The following ITGA10 variants were observed in gnomAD, a reference collection of about 807,000 sequenced individuals.
ITGA10 encodes the protein integrin alpha-10.
In ITGA10, 105 loss-of-function variants were observed where a neutral mutation model predicts 145.2. The ratio of observed to expected loss-of-function variants is 0.72; its 90% CI spans 0.62 to 0.85. The LOEUF is 0.85. Ranked by LOEUF, ITGA10 falls within the 40% of genes least tolerant of loss-of-function variation. The pLI is 0.00. For missense variants in ITGA10, 1,317 were observed against 1,444.5 expected, an observed-to-expected ratio of 0.91 and a Z score of 1.43; for synonymous variants, 506 against 557.8, an observed-to-expected ratio of 0.91 and a Z score of 1.31.
chr1:145,894,948 AT>A (rs1318209004), intron 27 of ITGA10, among the ~76,000 whole-genome samples: 8 of 152,174 alleles, frequency 5.3e-5, no homozygotes, highest in African/African-American at 1.9e-4. Flanking sequence ...GCAAATGTTG[AT>A]TGATACAGCA....
intron 7 of ITGA10, among the ~76,000 whole-genome samples, chr1:145,903,846 T>A (rs1294079639): frequency 6.6e-6 from 1 of 152,030 alleles, no homozygotes; most frequent in Admixed American, 6.6e-5. Context: ...TGCGCCACCA[T>A]GCCTGGCTAA....
chr1:145,897,460 C>A lies in ITGA10; in HGVS notation c.2574+52G>T, dbSNP rs782010658. The A allele has an allele frequency of 2.1e-5, 34 of 1,608,058 alleles. 1 individual carries two copies. In the South Asian group the frequency reaches 3.1e-4, roughly 15 times the overall value. On this transcript the variant is annotated intron_variant, in intron 20 of 29. Coordinates refer to ENST00000369304, the MANE Select transcript of ITGA10 (RefSeq NM_003637.5). ...TCACAGCTGAGGCCAATACCCCAAT[C>A]TTCTTCCTCCTCCTTTCTTTCCTTC... is the stretch of plus-strand genomic sequence containing the variant.
At position 145,902,329 on chromosome 1, in the gene ITGA10, G is replaced by A. The variant is rs1192935066; in HGVS notation, c.1076-10C>T. 6.2e-7 allele frequency: 1 copy of A among 1,613,784 alleles called. No homozygotes were observed. The highest frequency in any genetic ancestry group is 1.3e-5 in the African/African-American group (1 of 74,930). ...TTTTCTGCATGGGACCCTTGGTCAT[G>A]AGAAAACATTGAGACAATATCAGGG... On this transcript the variant is annotated splice_polypyrimidine_tract_variant and intron_variant, in intron 9 of 29. Transcript: ENST00000369304.
Position 145,901,002 on chromosome 1 carries a change from G to A in ITGA10, c.1588-9C>T, listed in dbSNP as rs782551223. The stretch of plus-strand genomic sequence containing the variant: ...AGGGTCAGCAAGGACTGCTGGTGGA[G>A]GAGAGAAGATAGAAGATGCTAATCT... On this transcript the variant is annotated splice_polypyrimidine_tract_variant and intron_variant, in intron 13 of 29. Transcript: ENST00000369304. The surrounding 1 kb of genome is among the most constrained non-coding windows in gnomAD (Gnocchi z 4.3). The A allele has an allele frequency of 3.1e-6, 5 of 1,614,038 alleles. No individual in the cohort carries two copies. In the South Asian group the frequency reaches 5.5e-5, roughly 18 times the overall value.
At chr1:145,903,912 C>T in intron 7 of ITGA10, 140 bp downstream of exon 7, 1 of 857,432 alleles carries the variant, frequency 1.2e-6, no homozygotes, top group Non-Finnish European at 1.8e-6. Context: ...TGGTCTCGAA[C>T]TCCTGACCTC....
At position 145,902,522 on chromosome 1, in the gene ITGA10, T is replaced by A. The variant is rs782593160; in HGVS notation, c.1007A>T (p.Asn336Ile). The A allele has an allele frequency of 6.2e-7, 1 of 1,613,916 alleles. No homozygotes were observed. Among genetic ancestry groups the A allele is most frequent in the African/African-American group, 1.3e-5 (1 of 75,022 alleles). The change falls in exon 9 of 30, where the codon AAT (asparagine) becomes ATT (isoleucine). Residue 336 changes from asparagine to isoleucine, a missense_variant. Transcript: ENST00000369304. ...AGTCAGAGCAGCCTCATCTGTGACA[T>A]TGAAGAAGAATCGCTCATCTGGATC... Reference protein sequence around the residue: ...ASDPDERFFFNVTDEAALTDI... With the variant: ...ASDPDERFFFIVTDEAALTDI...
At chr1:145,893,306 C>T (rs782515587) in intron 28 of ITGA10, 32 bp from the exon 29 acceptor site, 4 of 1,462,764 alleles carry the variant, frequency 2.7e-6, no homozygotes, top group Admixed American at 3.3e-5. Context: ...TTTCTACATG[C>T]ATCCTATAAC....
At position 145,906,448 on chromosome 1, in the gene ITGA10, C is replaced by A; in HGVS notation, c.427G>T (p.Ala143Ser). The A allele has an allele frequency of 6.2e-7, 1 of 1,614,086 alleles. No individual in the cohort carries two copies. The highest frequency in any genetic ancestry group is 1.3e-5 in the African/African-American group (1 of 75,020). Residue 143 changes from alanine to serine, a missense_variant, in exon 5 of 30, where the codon GCC becomes TCC. Ala to Ser is a moderately conservative substitution (Grantham distance 99). Coordinates refer to ENST00000369304, the MANE Select transcript of ITGA10 (RefSeq NM_003637.5). Reference sequence around the variant, plus strand: ...GGCTGGAATGAAGCATCCACACGGGCACATATCCCAGAACTGAAGACAGAG... The same window carrying A: ...GGCTGGAATGAAGCATCCACACGGGAACATATCCCAGAACTGAAGACAGAG... ...GSSVFSSGIC[A>S]RVDASFQPQG...
chr1:145,899,265 T>G lies in ITGA10; in HGVS notation c.1999A>C (p.Arg667=). Residue 667 remains arginine (R), a synonymous_variant, in exon 16 of 30, where the codon AGG becomes CGG. Coordinates refer to ENST00000369304, the MANE Select transcript of ITGA10 (RefSeq NM_003637.5). ...CAGACTGCCTCTTGGCCTCGCCGCC[T>G]ACAGTCCCTCTGAACCACACTGATG... ...QAISVVQRDC[R]RRGQEAVCLT... is the part of the protein sequence containing the mutation. 1 of 1,614,220 alleles carries G rather than the reference T, an allele frequency of 6.2e-7. No individual in the cohort carries two copies. Among genetic ancestry groups the G allele is most frequent in the South Asian group, 1.1e-5 (1 of 91,088 alleles).
rs1553744898 is a variant in ITGA10 at position 145,896,018 on chromosome 1, A to T, written c.2998T>A (p.Tyr1000Asn). 1.2e-6 allele frequency: 2 copies of T among 1,613,816 alleles called. No individual in the cohort carries two copies. Among genetic ancestry groups the T allele is most frequent in the Non-Finnish European group, 1.7e-6 (2 of 1,179,824 alleles). The change falls in exon 25 of 30, where the codon TAC becomes AAC. Residue 1000 changes from tyrosine to asparagine, a missense_variant. Transcript: ENST00000369304. Reference sequence around the variant, plus strand: ...ATGACTTGAGACAGTGATAGGAAGTAATTGCCCCCATGGGCCACAGCTGGA... The same window carrying T: ...ATGACTTGAGACAGTGATAGGAAGTTATTGCCCCCATGGGCCACAGCTGGA... ...LLPAVAHGGN[Y>N]FLSLSQVITN...
chr1:145,899,409 G>T, intron 15 of ITGA10, 68 bp from the exon 16 acceptor site: 2 of 1,542,618 alleles, frequency 1.3e-6, no homozygotes, highest in South Asian at 1.2e-5. Flanking sequence ...CAAGCCCAGT[G>T]TTTGCTTCCC....
intron 7 of ITGA10, among the ~76,000 whole-genome samples, chr1:145,903,224 T>C (rs1189818163): frequency 6.6e-6 from 1 of 152,164 alleles, no homozygotes; most frequent in Non-Finnish European, 1.5e-5. Flanking sequence ...ACAACGTTCA[T>C]ACACTCAGAT....
Position 145,904,684 on chromosome 1 carries a change from C to T in ITGA10, c.609G>A (p.Gln203=). 3.7e-6 allele frequency: 6 copies of T among 1,613,964 alleles called. No individual in the cohort carries two copies. Among genetic ancestry groups the T allele is most frequent in the Non-Finnish European group, 5.1e-6 (6 of 1,179,884 alleles). ...CCCAGCTCATATTGCCTTCTCTTAC[C>T]TGTATCTGTTCTGGGTCAATAAACA... ...GKLFIDPEQI[Q]VGLVQYGESP... The change falls in exon 6 of 30, where the codon CAG becomes CAA. Residue 203 remains glutamine, a splice_region_variant and synonymous_variant. Coordinates refer to ENST00000369304, the MANE Select transcript of ITGA10 (RefSeq NM_003637.5).
In ITGA10 at chr1:145,909,589, ATAT is replaced by A. The variant is rs1386904353; in HGVS notation, c.52+371_52+373del. ...TATATATAATATATAATTATGTTACATATTATATGTATATTATATATAATATAT... is the reference window on the plus strand; with the variant it reads ...TATATATAATATATAATTATGTTACATATATGTATATTATATATAATATAT... On this transcript the variant is annotated intron_variant, in intron 1 of 29. Coordinates refer to ENST00000369304, the MANE Select transcript of ITGA10 (RefSeq NM_003637.5). Among the ~76,000 whole-genome samples, 12 of 133,812 alleles carry A rather than the reference ATAT, an allele frequency of 9.0e-5. 1 individual carries two copies. Among genetic ancestry groups the A allele is most frequent in the Middle Eastern group, 3.7e-3 (1 of 272 alleles). 87.8% of individuals were successfully genotyped at this position (133,812 alleles called of 152,430 possible).
intron 14 of ITGA10, 65 bp downstream of exon 14, chr1:145,900,725 G>A: frequency 1.3e-6 from 2 of 1,526,796 alleles, no homozygotes; most frequent in Admixed American, 1.7e-5. Context: ...CTATTGACAA[G>A]CAAAGAGCAT....
rs114598406 is a variant in ITGA10, at chr1:145,906,713, C to T, written c.366+20G>A. 2,217 of 1,569,826 alleles carry T rather than the reference C, an allele frequency of 1.4e-3. 17 individuals are homozygous for T. The highest frequency in any genetic ancestry group is 0.014 in the African/African-American group (1,029 of 73,992). On this transcript the variant is annotated intron_variant, in intron 4 of 29. Coordinates refer to ENST00000369304, the MANE Select transcript of ITGA10 (RefSeq NM_003637.5). ...TTATGGACCTTCAGAGACACTGCCA[C>T]CACCCTCTCCTTAGCTCACCATGAA...
Position 145,906,820 on chromosome 1 carries a change from G to C in ITGA10, c.279C>G (p.Asp93Glu). The C allele has an allele frequency of 6.2e-7, 1 of 1,610,794 alleles. No individual in the cohort carries two copies. Among genetic ancestry groups the C allele is most frequent in the South Asian group, 1.1e-5 (1 of 90,900 alleles). ...GATGAGATGAATTTCCCAGTTGGTAGTCACCTGGTTGGAAGGAGGTGGAAG... is the reference window on the plus strand; with the variant it reads ...GATGAGATGAATTTCCCAGTTGGTACTCACCTGGTTGGAAGGAGGTGGAAG... ...NAPCAKGHLG[D>E]YQLGNSSHPA... Residue 93 changes from aspartate (D) to glutamate (E), a missense_variant, in exon 4 of 30, where the codon GAC becomes GAG. Asp to Glu is a conservative substitution (Grantham distance 45, BLOSUM62 2). Transcript: ENST00000369304.
At chr1:145,908,657 T>C (rs1657472158) in intron 1 of ITGA10, among the ~76,000 whole-genome samples, 1 of 152,178 alleles carries the variant, frequency 6.6e-6, no homozygotes. Flanking sequence ...CAACTATGTC[T>C]TGCTCTGTAC....
At position 145,907,169 on chromosome 1, in the gene ITGA10, T is replaced by G; in HGVS notation, c.165-19A>C. ...CAGCATCCTGGGAAGAGGATGTGAATGTAAGTAAGCACAGGGCAAACATGA... is the reference window on the plus strand; with the variant it reads ...CAGCATCCTGGGAAGAGGATGTGAAGGTAAGTAAGCACAGGGCAAACATGA... On this transcript the variant is annotated intron_variant, in intron 2 of 29. Coordinates refer to ENST00000369304, the MANE Select transcript of ITGA10 (RefSeq NM_003637.5). 6.4e-7 allele frequency: 1 copy of G among 1,558,694 alleles called. No individual in the cohort carries two copies. The highest frequency in any genetic ancestry group is 8.7e-7 in the Non-Finnish European group (1 of 1,150,428).
Sources: gnomAD v4.1 joint callset for allele counts (sites outside exome capture counted in the v4.1 genomes callset) on GRCh38, gnomAD v4.1.1 for gene constraint, Gnocchi (gnomAD v3.1) non-coding constraint, MANE v1.5 for transcripts, NCBI Gene and HGNC (gene_info 2026-07-23, HGNC 2026-07-21) for gene names.